The following SLC44A1 variants were observed in gnomAD, a reference collection of about 807,000 sequenced individuals.
SLC44A1 encodes the protein solute carrier family 44 member 1, also known as choline transporter-like protein 1.
In SLC44A1, 26 loss-of-function variants were observed where a neutral mutation model predicts 79.3. The ratio of observed to expected loss-of-function variants is 0.33; its 90% CI spans 0.24 to 0.46. The LOEUF (loss-of-function observed/expected upper bound fraction) is 0.46. Ranked by LOEUF, SLC44A1 falls within the 20% of genes least tolerant of loss-of-function variation. The pLI is 1.00. For missense variants in SLC44A1, 688 were observed against 798.1 expected (o/e 0.86, Z 1.66); for synonymous variants, 263 against 286.2 (o/e 0.92, Z 0.82).
At chr9:105,255,093 G>GTTTTTTTTTTT (rs1168193382) in intron 1 of SLC44A1, among the ~76,000 whole-genome samples, 3 of 141,814 alleles carry the variant, frequency 2.1e-5, no homozygotes, top group African/African-American at 8.2e-5. Context: ...TTACTTTCAG[G>GTTTTTTTTTTT]TTTTTTTGTT....
intron 12 of SLC44A1, among the ~76,000 whole-genome samples, chr9:105,369,580 G>C (rs185443425): frequency 1.6e-4 from 24 of 152,096 alleles, no homozygotes; most frequent in Middle Eastern, 3.4e-3. Flanking sequence ...TCTCTCCTTT[G>C]CCTCAAATAA....
Position 105,351,596 on chromosome 9 carries a change from G to GAGAA in SLC44A1, c.500+3169_500+3172dup, listed in dbSNP as rs1554797146. ...AGAGAGAAAGAGAGAAAGAGAGAAA[G>GAGAA]AGAAAGAAAGAAAGAAAGAAAGAAA... On this transcript the variant is annotated intron_variant, in intron 5 of 15. Transcript: ENST00000374720. Among the ~76,000 whole-genome samples, 561 of 113,452 alleles carry GAGAA rather than the reference G, an allele frequency of 4.9e-3. 25 individuals are homozygous for GAGAA. The highest frequency in any genetic ancestry group is 8.8e-3 in the African/African-American group (196 of 22,378). 74.4% of individuals were successfully genotyped at this position (113,452 alleles called of 152,430 possible).
intron 1 of SLC44A1, among the ~76,000 whole-genome samples, chr9:105,283,945 G>T (rs933725220): frequency 1.3e-5 from 2 of 152,182 alleles, no homozygotes; most frequent in African/African-American, 4.8e-5. Context: ...ATGAAGGGAA[G>T]GGGAGTAGGC....
intron 12 of SLC44A1, among the ~76,000 whole-genome samples, chr9:105,370,683 C>T (rs917734966): frequency 2.0e-5 from 3 of 152,180 alleles, no homozygotes; most frequent in Non-Finnish European, 4.4e-5. Context: ...TGGGCATTCT[C>T]CTCGTGTAAG....
At chr9:105,292,104 C>T (rs898099044) in intron 1 of SLC44A1, among the ~76,000 whole-genome samples, 1 of 152,110 alleles carries the variant, frequency 6.6e-6, no homozygotes, top group African/African-American at 2.4e-5. Flanking sequence ...GACCAGCCTC[C>T]GAGGCTGCTA....
chr9:105,418,436 C>T (rs1030698865), intron 15 of SLC44A1, among the ~76,000 whole-genome samples: 10 of 152,054 alleles, frequency 6.6e-5, no homozygotes, highest in Non-Finnish European at 1.3e-4. Context: ...GCCATTAGAT[C>T]ATGCTGTTCA....
intron 3 of SLC44A1, among the ~76,000 whole-genome samples, chr9:105,328,778 T>G (rs1826660621): frequency 6.6e-6 from 1 of 152,170 alleles, no homozygotes; most frequent in Non-Finnish European, 1.5e-5. Flanking sequence ...GATGGATCCT[T>G]AGGTTTTAGT....
Position 105,386,496 on chromosome 9 carries a change from A to G in SLC44A1, c.1950+994A>G, listed in dbSNP as rs529673605. The G allele has an allele frequency of 3.2e-6, 3 of 924,912 alleles. No individual in the cohort carries two copies. In the South Asian group the frequency reaches 1.5e-4, roughly 46 times the overall value. The allele number at this position is 924,912 out of a possible 1,614,324, so 57.3% of individuals were successfully genotyped here. A position where few individuals can be genotyped will look rare whatever the true frequency, so the allele number is the denominator to read the frequency against. On this transcript the variant is annotated intron_variant, in intron 15 of 15. Coordinates refer to ENST00000374720, the MANE Select transcript of SLC44A1 (RefSeq NM_080546.5). ...GATTTGATTTATAGCAAGTTTGTCCAACTTGCTGCCTGTGGGCCGCATATG... is the reference window on the plus strand; with the variant it reads ...GATTTGATTTATAGCAAGTTTGTCCGACTTGCTGCCTGTGGGCCGCATATG...
chr9:105,249,333 A>G (rs1829525722), intron 1 of SLC44A1, among the ~76,000 whole-genome samples: 1 of 152,206 alleles, frequency 6.6e-6, no homozygotes, highest in Non-Finnish European at 1.5e-5. Flanking sequence ...GGAATTACCC[A>G]CAGAGACTAA....
At chr9:105,302,343 CTCT>C (rs1383554856) in intron 2 of SLC44A1, among the ~76,000 whole-genome samples, 1 of 151,892 alleles carries the variant, frequency 6.6e-6, no homozygotes, top group Non-Finnish European at 1.5e-5. Flanking sequence ...TAGCTGGGAT[CTCT>C]TCTTTTTTTT....
At chr9:105,358,083 A>G (rs1288415627) in intron 6 of SLC44A1, among the ~76,000 whole-genome samples, 1 of 152,130 alleles carries the variant, frequency 6.6e-6, no homozygotes, top group Non-Finnish European at 1.5e-5. Context: ...GCTGTTTTTG[A>G]GTCACCATGT....
At chr9:105,349,335 A>G (rs1827335045) in intron 5 of SLC44A1, among the ~76,000 whole-genome samples, 1 of 152,212 alleles carries the variant, frequency 6.6e-6, no homozygotes, top group Non-Finnish European at 1.5e-5. Context: ...AAGCTGTTGT[A>G]TAAAAAATTT....
intron 15 of SLC44A1, among the ~76,000 whole-genome samples, chr9:105,403,068 A>G (rs545310187): frequency 1.2e-3 from 170 of 146,414 alleles, no homozygotes; most frequent in Middle Eastern, 3.6e-3. Context: ...AATCTTCCCA[A>G]CTCAGACTCC....
Position 105,390,756 on chromosome 9 carries a change from T to C in SLC44A1, c.*1700T>C, listed in dbSNP as rs1298976226. ...TAATATTTCTGATTTTTCAGAATAT[T>C]TGCAATAAGAGTCTGGATTTTAAAA... On this transcript the variant is annotated 3_prime_UTR_variant, in exon 16 of 16. Coordinates refer to ENST00000374720, the MANE Select transcript of SLC44A1 (RefSeq NM_080546.5). The C allele has an allele frequency of 1.0e-6, 1 of 985,374 alleles. No individual in the cohort carries two copies. The highest frequency in any genetic ancestry group is 1.2e-6 in the Non-Finnish European group (1 of 829,644). 61.0% of individuals were successfully genotyped at this position (985,374 alleles called of 1,614,324 possible). A position where few individuals can be genotyped will look rare whatever the true frequency, so the allele number is the denominator to read the frequency against.
At chr9:105,385,981 C>G (rs1414983148) in intron 15 of SLC44A1, 1 of 985,212 alleles carries the variant, frequency 1.0e-6, no homozygotes, top group Non-Finnish European at 1.2e-6. Flanking sequence ...TTTCCCTTGG[C>G]TGACTTTTTC....
At chr9:105,403,059 A>C (rs982386055) in intron 15 of SLC44A1, among the ~76,000 whole-genome samples, 2 of 148,830 alleles carry the variant, frequency 1.3e-5, no homozygotes, top group Non-Finnish European at 3.0e-5. Flanking sequence ...GATTCAAGCA[A>C]TCTTCCCAAC....
Position 105,263,954 on chromosome 9 carries a change from G to A in SLC44A1, c.36+19050G>A, listed in dbSNP as rs557712076. On this transcript the variant is annotated intron_variant, in intron 1 of 15. Coordinates refer to ENST00000374720, the MANE Select transcript of SLC44A1 (RefSeq NM_080546.5). ...CCACTTTTAAATCTTTAATTCTTTT[G>A]CTTTTCCCCCTATATATCTTTAATA... Among the ~76,000 whole-genome samples, 42 of 151,990 alleles carry A rather than the reference G, an allele frequency of 2.8e-4. 1 individual carries two copies. The South Asian group carries it at 6.8e-3, about 25-fold the overall frequency.
At chr9:105,314,956 A>G (rs1831279297) in intron 3 of SLC44A1, among the ~76,000 whole-genome samples, 1 of 152,250 alleles carries the variant, frequency 6.6e-6, no homozygotes, top group Admixed American at 6.5e-5. Flanking sequence ...CTTGATGGAG[A>G]CAGACCAGCA....
At chr9:105,373,118 T>A (rs528007356) in intron 12 of SLC44A1, among the ~76,000 whole-genome samples, 2 of 152,200 alleles carry the variant, frequency 1.3e-5, no homozygotes, top group East Asian at 3.9e-4. Context: ...ACTAACAAGC[T>A]TATAATTAGA....
Sources: gnomAD v4.1 joint callset for allele counts (sites outside exome capture counted in the v4.1 genomes callset) on GRCh38, gnomAD v4.1.1 for gene constraint, MANE v1.5 for transcripts, NCBI Gene and HGNC (gene_info 2026-07-23, HGNC 2026-07-21) for gene names.